The following LRMDA variants were observed in gnomAD, a reference collection of about 807,000 sequenced individuals.
LRMDA encodes the protein leucine rich melanocyte differentiation associated, also known as leucine-rich melanocyte differentiation-associated protein.
LRMDA carries 18 observed loss-of-function variants against 29.8 expected under a neutral mutation model. The ratio of observed to expected loss-of-function variants is 0.60; its 90% CI spans 0.42 to 0.90. The LOEUF (loss-of-function observed/expected upper bound fraction) is 0.90, where lower values mean the gene tolerates loss of function less well. Among genes scored for constraint, LRMDA ranks in the 40% least tolerant of loss-of-function variants. LRMDA has a pLI of 0.00. For synonymous variants in LRMDA, 125 were observed against 109.4 expected, an observed-to-expected ratio of 1.14 and a Z score of -0.89; for missense variants, 273 against 273.9, an observed-to-expected ratio of 1.00 and a Z score of 0.02.
chr10:76,049,459 C>T (rs1848494893), intron 4 of LRMDA, among the ~76,000 whole-genome samples: 1 of 152,208 alleles, frequency 6.6e-6, no homozygotes, highest in Admixed American at 6.5e-5. Context: ...ATTCACTGCA[C>T]AGCAACTGGT....
intron 6 of LRMDA, among the ~76,000 whole-genome samples, chr10:76,371,460 A>G (rs752238619): frequency 2.0e-5 from 3 of 152,122 alleles, no homozygotes; most frequent in Non-Finnish European, 4.4e-5. Context: ...TTGCAGGGCT[A>G]GATCTTCTGC....
At chr10:75,857,792 A>T (rs1215402066) in intron 2 of LRMDA, among the ~76,000 whole-genome samples, 3 of 152,152 alleles carry the variant, frequency 2.0e-5, no homozygotes, top group Non-Finnish European at 4.4e-5. Context: ...CCTGGGGTAA[A>T]ATGACCGCAT....
intron 6 of LRMDA, among the ~76,000 whole-genome samples, chr10:76,411,462 A>C (rs1300108245): frequency 2.6e-5 from 4 of 152,114 alleles, no homozygotes; most frequent in African/African-American, 9.7e-5. Flanking sequence ...TGTTTCATGG[A>C]CTCCCTGGGT....
intron 2 of LRMDA, among the ~76,000 whole-genome samples, chr10:75,538,700 G>GGAAA (rs1390466875): frequency 2.0e-5 from 3 of 152,162 alleles, no homozygotes; most frequent in African/African-American, 7.2e-5. Flanking sequence ...TTGGGTCAGA[G>GGAAA]GAAAGGGTCT....
chr10:76,495,169 G>A (rs1387883926), intron 6 of LRMDA, among the ~76,000 whole-genome samples: 2 of 151,766 alleles, frequency 1.3e-5, no homozygotes, highest in East Asian at 1.9e-4. Flanking sequence ...TGCTAAAATT[G>A]TATAAATTGT....
intron 6 of LRMDA, among the ~76,000 whole-genome samples, chr10:76,356,961 A>T (rs2132439140): frequency 6.6e-6 from 1 of 152,302 alleles, no homozygotes; most frequent in East Asian, 1.9e-4. Flanking sequence ...CAATGTTGGT[A>T]ACAAAGAAAG....
chr10:76,084,578 C>T (rs1849104778), intron 5 of LRMDA, among the ~76,000 whole-genome samples: 1 of 151,628 alleles, frequency 6.6e-6, no homozygotes, highest in South Asian at 2.1e-4. Context: ...TCATTGTGAC[C>T]TTTGGCAAGT....
intron 2 of LRMDA, among the ~76,000 whole-genome samples, chr10:75,514,412 T>A (rs970889869): frequency 6.6e-6 from 1 of 152,052 alleles, no homozygotes; most frequent in African/African-American, 2.4e-5. Context: ...CAGTCCTTAT[T>A]TGAAGAGGCT....
intron 5 of LRMDA, among the ~76,000 whole-genome samples, chr10:76,262,593 A>G (rs565104058): frequency 1.3e-5 from 2 of 152,280 alleles, no homozygotes; most frequent in East Asian, 3.9e-4. Flanking sequence ...CGGCACCTAC[A>G]TCTTCTCTGA....
intron 2 of LRMDA, among the ~76,000 whole-genome samples, chr10:76,011,501 T>A (rs528161490): frequency 1.9e-4 from 29 of 152,256 alleles, no homozygotes; most frequent in African/African-American, 6.7e-4. Context: ...GGCCACCCCC[T>A]CCATCCTCAG....
At chr10:75,941,527 G>A (rs1264605013) in intron 2 of LRMDA, among the ~76,000 whole-genome samples, 1 of 152,156 alleles carries the variant, frequency 6.6e-6, no homozygotes, top group East Asian at 1.9e-4. Context: ...ACCGTTCATG[G>A]GGTTTAGGAA....
At chr10:76,098,016 T>C (rs940306986) in intron 5 of LRMDA, among the ~76,000 whole-genome samples, 2 of 152,298 alleles carry the variant, frequency 1.3e-5, no homozygotes, top group Non-Finnish European at 2.9e-5. Context: ...CTATGTATTA[T>C]TGTTAACTAT....
At chr10:76,344,697 A>G (rs1841081128) in intron 6 of LRMDA, among the ~76,000 whole-genome samples, 1 of 152,180 alleles carries the variant, frequency 6.6e-6, no homozygotes, top group African/African-American at 2.4e-5. Flanking sequence ...TCCCCAGAAT[A>G]ATGGAATAGA....
intron 2 of LRMDA, among the ~76,000 whole-genome samples, chr10:75,663,251 A>C (rs1841778042): frequency 6.6e-6 from 1 of 152,162 alleles, no homozygotes; most frequent in South Asian, 2.1e-4. Context: ...CCCGCCCTTA[A>C]TGGGCCAAGG....
chr10:76,484,829 C>A (rs957271758), intron 6 of LRMDA, among the ~76,000 whole-genome samples: 2 of 151,718 alleles, frequency 1.3e-5, no homozygotes, highest in East Asian at 3.9e-4. Flanking sequence ...GCTCTGTTGT[C>A]AGGTGCATAC....
chr10:76,328,564 C>A (rs781685054), intron 6 of LRMDA, among the ~76,000 whole-genome samples: 1 of 152,138 alleles, frequency 6.6e-6, no homozygotes, highest in Non-Finnish European at 1.5e-5. Flanking sequence ...TTACCCAGTG[C>A]GTATGAAGCA....
intron 2 of LRMDA, among the ~76,000 whole-genome samples, chr10:75,516,667 G>A (rs1309375809): frequency 2.0e-5 from 3 of 151,988 alleles, no homozygotes; most frequent in Non-Finnish European, 2.9e-5. Flanking sequence ...TCACTCTGAT[G>A]GTAGTTTCTT....
chr10:75,621,866 A>G (rs141322633), intron 2 of LRMDA, among the ~76,000 whole-genome samples: 43 of 152,292 alleles, frequency 2.8e-4, no homozygotes, highest in African/African-American at 9.1e-4. Flanking sequence ...TAGTAGAAAG[A>G]TAAAATGAGG....
chr10:76,031,240 A>C (rs1848143217), intron 2 of LRMDA, among the ~76,000 whole-genome samples: 2 of 152,112 alleles, frequency 1.3e-5, no homozygotes, highest in Admixed American at 1.3e-4. Context: ...TTATTTACCT[A>C]CTGAAGGAAG....
Sources: gnomAD v4.1 joint callset for allele counts (sites outside exome capture counted in the v4.1 genomes callset) on GRCh38, gnomAD v4.1.1 for gene constraint, MANE v1.5 for transcripts, NCBI Gene and HGNC (gene_info 2026-07-23, HGNC 2026-07-21) for gene names.